Variants in SYTL3 observed in about 807,000 individuals in gnomAD.
SYTL3 encodes synaptotagmin-like protein 3.
SYTL3 carries 88 observed loss-of-function variants against 82.1 expected under a neutral mutation model. The observed-to-expected ratio is 1.07, with a 90% CI of 0.90 to 1.28. SYTL3 has a LOEUF of 1.28. SYTL3 is among the 50% of genes most tolerant of loss of function. SYTL3 has a pLI of 0.00. For synonymous variants in SYTL3, 311 were observed against 289.4 expected (o/e 1.07, Z -0.76); for missense variants, 831 against 757.6 (o/e 1.10, Z -1.14).
rs745796306 is a variant in SYTL3, at chr6:158,726,087, T to C, written c.855+450T>C. On this transcript the variant is annotated intron_variant, in intron 11 of 17. Transcript: ENST00000611299. ...TCAATGTAGTGAAACATTAGTTCTTTCCAGAATGTAATAGTTATCAAAAAT... is the reference window on the plus strand; with the variant it reads ...TCAATGTAGTGAAACATTAGTTCTTCCCAGAATGTAATAGTTATCAAAAAT... 29 of 466,970 alleles carry C rather than the reference T, an allele frequency of 6.2e-5. No homozygotes were observed. The Middle Eastern group carries it at 2.0e-3, about 33-fold the overall frequency. The allele number at this position is 466,970 out of a possible 1,614,324, so 28.9% of individuals were successfully genotyped here.
chr6:158,677,870 C>T (rs1035444656), intron 5 of SYTL3, among the ~76,000 whole-genome samples: 2 of 152,082 alleles, frequency 1.3e-5, no homozygotes, highest in African/African-American at 4.8e-5. Context: ...GCTTCTGCTG[C>T]TGCTGCTTTT....
In SYTL3 at chr6:158,691,461, T is replaced by C. The variant is rs149267463; in HGVS notation, c.394+8472T>C. On this transcript the variant is annotated intron_variant, in intron 6 of 17. Transcript: ENST00000611299. Reference sequence around the variant, plus strand: ...TGATAGAACTTTTTTAGATCACTAATAACTAGAAAACAAGCTGAAAATTCA... The same window carrying C: ...TGATAGAACTTTTTTAGATCACTAACAACTAGAAAACAAGCTGAAAATTCA... Among the ~76,000 whole-genome samples, 11 of 152,230 alleles carry C rather than the reference T, an allele frequency of 7.2e-5. No individual in the cohort carries two copies. The East Asian group carries it at 2.1e-3, about 29-fold the overall frequency.
At chr6:158,672,054 GC>G (rs1176587219) in intron 5 of SYTL3, among the ~76,000 whole-genome samples, 1 of 152,128 alleles carries the variant, frequency 6.6e-6, no homozygotes, top group Admixed American at 6.6e-5. Context: ...ACTTTGGGAG[GC>G]CGAGGTGGGC....
chr6:158,684,434 T>C (rs1245895706), intron 6 of SYTL3, among the ~76,000 whole-genome samples: 3 of 152,210 alleles, frequency 2.0e-5, no homozygotes, highest in African/African-American at 7.2e-5. Context: ...GAATGATTTG[T>C]GCTTTGATCA....
At chr6:158,680,285 G>A (rs1021119982) in intron 5 of SYTL3, among the ~76,000 whole-genome samples, 32 of 152,170 alleles carry the variant, frequency 2.1e-4, no homozygotes, top group African/African-American at 7.7e-4. Flanking sequence ...CTTCTGCCTA[G>A]AGGCTGAGAC....
At position 158,760,748 on chromosome 6, in the gene SYTL3, C is replaced by A; in HGVS notation, c.1414+3C>A. 1 of 1,605,526 alleles carries A rather than the reference C, an allele frequency of 6.2e-7. No homozygotes were observed. Among genetic ancestry groups the A allele is most frequent in the Non-Finnish European group, 8.5e-7 (1 of 1,172,172 alleles). On this transcript the variant is annotated splice_donor_region_variant and intron_variant, in intron 15 of 17. Transcript: ENST00000611299. ...AAAACTCCAAGAGGCTCAAGAAGGT[C>A]AGTGGCCTCCAGCTCCCTGGACATT...
At chr6:158,680,127 C>T (rs1446671507) in intron 5 of SYTL3, among the ~76,000 whole-genome samples, 1 of 152,162 alleles carries the variant, frequency 6.6e-6, no homozygotes, top group Non-Finnish European at 1.5e-5. Flanking sequence ...AGACCTTGTT[C>T]TGTTTGCCAG....
intron 11 of SYTL3, chr6:158,726,592 C>A: frequency 4.5e-6 from 1 of 222,800 alleles, no homozygotes; most frequent in South Asian, 8.9e-5. Context: ...AAGAACTGTT[C>A]AAAGTCTTGG....
chr6:158,674,844 G>A (rs1777843684), intron 5 of SYTL3, among the ~76,000 whole-genome samples: 1 of 152,038 alleles, frequency 6.6e-6, no homozygotes, highest in African/African-American at 2.4e-5. Flanking sequence ...GATCATTTTA[G>A]TGCTTCAAAA....
chr6:158,681,143 T>C (rs756030216), intron 5 of SYTL3, among the ~76,000 whole-genome samples: 1 of 152,158 alleles, frequency 6.6e-6, no homozygotes, highest in Non-Finnish European at 1.5e-5. Context: ...AATTGGCCAG[T>C]TTTGTGGCAC....
At chr6:158,754,900 G>A (rs141120257) in intron 13 of SYTL3, among the ~76,000 whole-genome samples, 28 of 152,350 alleles carry the variant, frequency 1.8e-4, no homozygotes, top group South Asian at 8.3e-4. Context: ...GTGGCGTGGC[G>A]TTCTAGTAAC....
intron 11 of SYTL3, among the ~76,000 whole-genome samples, chr6:158,743,371 T>C (rs533173900): frequency 2.8e-4 from 43 of 152,340 alleles, no homozygotes; most frequent in African/African-American, 1.0e-3. Flanking sequence ...AGTTGTTTAA[T>C]TCAGCTTTCT....
chr6:158,701,550 G>C (rs570450280), intron 6 of SYTL3, among the ~76,000 whole-genome samples: 29 of 150,170 alleles, frequency 1.9e-4, no homozygotes, highest in Admixed American at 1.5e-3. Context: ...GCTGTTCTGG[G>C]GGGGAGGAGG....
At chr6:158,725,285 G>A (rs1784564862) in intron 10 of SYTL3, among the ~76,000 whole-genome samples, 1 of 152,142 alleles carries the variant, frequency 6.6e-6, no homozygotes, top group South Asian at 2.1e-4. Flanking sequence ...GTCTGTCTCT[G>A]GGCCCTGTGT....
chr6:158,755,178 A>C (rs1047253682), intron 13 of SYTL3, among the ~76,000 whole-genome samples: 1 of 152,202 alleles, frequency 6.6e-6, no homozygotes, highest in African/African-American at 2.4e-5. Context: ...CCCCATCTCT[A>C]CAAGAAATTA....
At chr6:158,666,449 G>A (rs891712724) in intron 5 of SYTL3, among the ~76,000 whole-genome samples, 1 of 152,120 alleles carries the variant, frequency 6.6e-6, no homozygotes, top group Non-Finnish European at 1.5e-5. Flanking sequence ...AGCCAACTTG[G>A]CTTAGACTCC....
intron 14 of SYTL3, among the ~76,000 whole-genome samples, chr6:158,758,847 A>AC (rs1562471458): frequency 6.6e-6 from 1 of 152,082 alleles, no homozygotes; most frequent in Non-Finnish European, 1.5e-5. Flanking sequence ...CCCTTCCAGG[A>AC]CCCGGAGCTC....
intron 6 of SYTL3, among the ~76,000 whole-genome samples, chr6:158,700,399 G>A (rs945785689): frequency 7.9e-5 from 12 of 151,920 alleles, no homozygotes; most frequent in Non-Finnish European, 1.2e-4. Flanking sequence ...TTACAGGTAT[G>A]AGCCACCACA....
chr6:158,721,270 C>T (rs1784080613), intron 10 of SYTL3, among the ~76,000 whole-genome samples: 1 of 152,044 alleles, frequency 6.6e-6, no homozygotes, highest in Admixed American at 6.6e-5. Flanking sequence ...GGCTGGAGTG[C>T]AGTGGTGATA....
Sources: allele counts gnomAD v4.1 joint callset (sites outside exome capture counted in the v4.1 genomes callset), GRCh38; gene constraint gnomAD v4.1.1; transcripts MANE v1.5; gene names NCBI Gene and HGNC (gene_info 2026-07-23, HGNC 2026-07-21).